Variants in XPNPEP1 observed in about 807,000 individuals in gnomAD.
XPNPEP1 encodes xaa-Pro aminopeptidase 1.
A neutral mutation model predicts 92.4 loss-of-function variants in XPNPEP1; 39 were observed. That is an observed-to-expected ratio of 0.42 (90% CI 0.33 to 0.55). The LOEUF (loss-of-function observed/expected upper bound fraction) is 0.55. Among genes scored for constraint, XPNPEP1 ranks in the 20% least tolerant of loss-of-function variants. XPNPEP1 has a pLI of 0.08. For synonymous variants in XPNPEP1, 307 were observed against 299.4 expected (o/e 1.03, Z -0.26); for missense variants, 654 against 856.1 (o/e 0.76, Z 2.95).
At chr10:109,877,479 A>AAG (rs2133381352) in intron 14 of XPNPEP1, 1 of 277,126 alleles carries the variant, frequency 3.6e-6, no homozygotes, top group East Asian at 7.4e-5. Context: ...AAAAAAAAAA[A>AAG]CTTAGTCATC....
At chr10:109,865,337 C>A in intron 20 of XPNPEP1, 25 bp from the exon 21 acceptor site, 3 of 1,613,774 alleles carry the variant, frequency 1.9e-6, no homozygotes, top group Non-Finnish European at 2.5e-6. Context: ...AGGACAGACA[C>A]GGTATTCACC....
At chr10:109,894,900 C>T (rs1458064082) in intron 3 of XPNPEP1, among the ~76,000 whole-genome samples, 1 of 152,236 alleles carries the variant, frequency 6.6e-6, no homozygotes, top group Admixed American at 6.5e-5. Context: ...AGAATCCTCA[C>T]TTGTTTATTA....
chr10:109,878,185 G>A, intron 12 of XPNPEP1, 127 bp from the exon 13 acceptor site: 2 of 986,400 alleles, frequency 2.0e-6, no homozygotes, highest in Non-Finnish European at 3.1e-6. Flanking sequence ...CAATCTACAG[G>A]ACACATCTTT....
At chr10:109,911,917 T>C (rs1297225789) in intron 2 of XPNPEP1, among the ~76,000 whole-genome samples, 2 of 152,210 alleles carry the variant, frequency 1.3e-5, no homozygotes, top group Admixed American at 6.5e-5. Context: ...GTAGTATCAA[T>C]ATTATCAGTC....
At chr10:109,893,106 C>T (rs765725880) in intron 3 of XPNPEP1, 31 bp from the exon 4 acceptor site, 10 of 1,602,214 alleles carry the variant, frequency 6.2e-6, no homozygotes, top group Non-Finnish European at 7.7e-6. Context: ...CAAAGTGGGC[C>T]TCGATCAGTC....
chr10:109,873,223 G>A (rs1205134888), intron 16 of XPNPEP1, 144 bp downstream of exon 16: 9 of 882,558 alleles, frequency 1.0e-5, no homozygotes, highest in Non-Finnish European at 1.6e-5. Flanking sequence ...ACCTCGTAAA[G>A]CAGATAAGCC....
chr10:109,896,856 G>A (rs1425357620), intron 3 of XPNPEP1, among the ~76,000 whole-genome samples: 1 of 152,206 alleles, frequency 6.6e-6, no homozygotes, highest in East Asian at 1.9e-4. Context: ...GAAAAGGCAA[G>A]GAAATGGACT....
chr10:109,878,188 A>C, intron 12 of XPNPEP1, 130 bp from the exon 13 acceptor site: 1 of 947,802 alleles, frequency 1.1e-6, no homozygotes. Context: ...TCTACAGGAC[A>C]CATCTTTAGC....
chr10:109,878,364 C>A, intron 12 of XPNPEP1: 1 of 266,502 alleles, frequency 3.8e-6, no homozygotes. Flanking sequence ...AAGAAATCAT[C>A]GTAAGAAAAT....
chr10:109,880,092 T>C (rs1408922781), intron 12 of XPNPEP1, 96 bp downstream of exon 12: 4 of 1,235,454 alleles, frequency 3.2e-6, no homozygotes, highest in East Asian at 2.4e-5. Context: ...TCAGATCTCA[T>C]GGTCAGCAGA....
rs752410863 is a variant in XPNPEP1 at position 109,877,985 on chromosome 10, C to A, written c.1241+15G>T. On this transcript the variant is annotated intron_variant, in intron 13 of 20. Coordinates refer to ENST00000502935, the MANE Select transcript of XPNPEP1 (RefSeq NM_020383.4). ...TCAGCACGAGGCTCCTGGGTCCCCC[C>A]AAATGGATCCTTACCTGCGAAACTC... 48 of 1,614,196 alleles carry A rather than the reference C, an allele frequency of 3.0e-5. No individual in the cohort carries two copies. Among genetic ancestry groups the A allele is most frequent in the Middle Eastern group, 3.3e-4 (2 of 6,062 alleles).
At chr10:109,872,007 A>G in intron 16 of XPNPEP1, 146 bp from the exon 17 acceptor site, 1 of 776,510 alleles carries the variant, frequency 1.3e-6, no homozygotes, top group Non-Finnish European at 2.0e-6. Context: ...ATCTGGTGGA[A>G]AAAAAGCCTG....
intron 20 of XPNPEP1, among the ~76,000 whole-genome samples, chr10:109,865,627 G>A (rs906890577): frequency 1.3e-5 from 2 of 152,196 alleles, no homozygotes; most frequent in Non-Finnish European, 1.5e-5. Flanking sequence ...CATCCTGGGA[G>A]GTGGTAAGTG....
At chr10:109,909,139 C>T (rs1002519776) in intron 2 of XPNPEP1, among the ~76,000 whole-genome samples, 2 of 152,172 alleles carry the variant, frequency 1.3e-5, no homozygotes, top group Admixed American at 6.5e-5. Context: ...GGCGTGGTGG[C>T]GGGTGCCTGT....
intron 1 of XPNPEP1, among the ~76,000 whole-genome samples, chr10:109,920,526 T>C (rs1009076991): frequency 1.6e-4 from 24 of 152,272 alleles, no homozygotes; most frequent in African/African-American, 5.3e-4. Flanking sequence ...GACACATGAC[T>C]ACAGAGGTGG....
chr10:109,878,345 T>C, intron 12 of XPNPEP1: 1 of 327,930 alleles, frequency 3.0e-6, no homozygotes, highest in Non-Finnish European at 5.6e-6. Context: ...TTCAAAAGCA[T>C]CCCCTCCTAA....
chr10:109,878,541 A>G (rs775075608), intron 12 of XPNPEP1, among the ~76,000 whole-genome samples: 13 of 152,194 alleles, frequency 8.5e-5, no homozygotes, highest in Admixed American at 1.3e-4. Context: ...TAAGGCCTCA[A>G]TGTACATGGA....
Position 109,892,969 on chromosome 10 carries a change from C to A in XPNPEP1, c.310+43G>T, listed in dbSNP as rs755457627. ...ACTCGGTTCAGTTATTTTTAGGAGG[C>A]GAACAAAGGTGCAGCAAGAACAGAG... On this transcript the variant is annotated intron_variant, in intron 4 of 20. Coordinates refer to ENST00000502935, the MANE Select transcript of XPNPEP1 (RefSeq NM_020383.4). 4 of 1,594,892 alleles carry A rather than the reference C, an allele frequency of 2.5e-6. No individual in the cohort carries two copies. In the African/African-American group the frequency reaches 4.0e-5, roughly 16 times the overall value.
chr10:109,866,784 A>G (rs1399902358), intron 20 of XPNPEP1, among the ~76,000 whole-genome samples: 1 of 152,270 alleles, frequency 6.6e-6, no homozygotes, highest in Non-Finnish European at 1.5e-5. Context: ...ATATTTTAAA[A>G]GCCAGATATT....
Sources: allele counts gnomAD v4.1 joint callset (sites outside exome capture counted in the v4.1 genomes callset), GRCh38; gene constraint gnomAD v4.1.1; transcripts MANE v1.5; gene names NCBI Gene and HGNC (gene_info 2026-07-23, HGNC 2026-07-21).